Variants in PKN2 observed in about 807,000 individuals in gnomAD.
The protein encoded by PKN2 is protein kinase N2.
PKN2 carries 38 observed loss-of-function variants against 119.1 expected under a neutral mutation model. That is an observed-to-expected ratio of 0.32 (90% CI 0.25 to 0.42). PKN2 has a LOEUF of 0.42. Ranked by LOEUF, PKN2 falls within the 10% of genes least tolerant of loss-of-function variation. The pLI is 1.00. For missense variants in PKN2, 850 were observed against 1,165.1 expected (o/e 0.73, Z 3.94); for synonymous variants, 390 against 384.9 (o/e 1.01, Z -0.15).
intron 15 of PKN2, among the ~76,000 whole-genome samples, chr1:88,812,293 A>G (rs962667668): frequency 1.3e-5 from 2 of 152,196 alleles, no homozygotes; most frequent in Non-Finnish European, 2.9e-5. Context: ...TGGCATTGAA[A>G]TCATTTCAAG....
intron 2 of PKN2, among the ~76,000 whole-genome samples, chr1:88,752,548 T>A (rs1557588076): frequency 6.6e-6 from 1 of 152,048 alleles, no homozygotes; most frequent in Non-Finnish European, 1.5e-5. Flanking sequence ...TTTTAAAAAA[T>A]TTGCCAGTTT....
At chr1:88,743,893 TCAGATAA>T (rs1668666625) in intron 2 of PKN2, among the ~76,000 whole-genome samples, 1 of 152,136 alleles carries the variant, frequency 6.6e-6, no homozygotes, top group African/African-American at 2.4e-5. Flanking sequence ...TACTGACATT[TCAGATAA>T]TTGGAGGGCA....
intron 6 of PKN2, among the ~76,000 whole-genome samples, chr1:88,772,192 C>G (rs1225116254): frequency 6.6e-6 from 1 of 152,140 alleles, no homozygotes; most frequent in African/African-American, 2.4e-5. Context: ...AATTGTCTGT[C>G]TCTACAGATT....
rs1671605063 is a variant in PKN2 at position 88,807,681 on chromosome 1, C to T, written c.2011-3C>T. Reference sequence around the variant, plus strand: ...GAAAATAATTATTTTAATTTTATTTCAGGTGCTTTTAGCTGAATATAAAAA... The same window carrying T: ...GAAAATAATTATTTTAATTTTATTTTAGGTGCTTTTAGCTGAATATAAAAA... On this transcript the variant is annotated splice_region_variant and splice_polypyrimidine_tract_variant and intron_variant, in intron 14 of 21. Transcript: ENST00000370521. 1.3e-6 allele frequency: 2 copies of T among 1,578,694 alleles called. No individual in the cohort carries two copies. The highest frequency in any genetic ancestry group is 8.6e-7 in the Non-Finnish European group (1 of 1,157,278).
At chr1:88,725,681 G>C (rs1300724376) in intron 1 of PKN2, among the ~76,000 whole-genome samples, 1 of 152,042 alleles carries the variant, frequency 6.6e-6, no homozygotes, top group South Asian at 2.1e-4. Context: ...TTCTATTATG[G>C]TATGCACTTA....
At position 88,757,528 on chromosome 1, in the gene PKN2, T is replaced by G. The variant is rs142695777; in HGVS notation, c.350-2694T>G. On this transcript the variant is annotated intron_variant, in intron 2 of 21. Coordinates refer to ENST00000370521, the MANE Select transcript of PKN2 (RefSeq NM_006256.4). ...ATATGAAATACATTCATTAAAATGG[T>G]TAGTCACACCATCTTATATTGTAGA... Among the ~76,000 whole-genome samples, 1,288 of 152,184 alleles carry G rather than the reference T, an allele frequency of 8.5e-3. 20 individuals are homozygous for G. Among genetic ancestry groups the G allele is most frequent in the African/African-American group, 0.03 (1,232 of 41,540 alleles).
chr1:88,748,996 T>C (rs180700770), intron 2 of PKN2, among the ~76,000 whole-genome samples: 226 of 152,290 alleles, frequency 1.5e-3, no homozygotes, highest in Middle Eastern at 3.4e-3. Flanking sequence ...CCACTATCAG[T>C]GAATGAGAAT....
At chr1:88,785,586 A>G (rs1670539302) in intron 7 of PKN2, among the ~76,000 whole-genome samples, 2 of 152,144 alleles carry the variant, frequency 1.3e-5, no homozygotes, top group Non-Finnish European at 2.9e-5. Flanking sequence ...GAGGTTTGGA[A>G]AGCACTGGGG....
chr1:88,726,624 T>C (rs1002733872), intron 1 of PKN2, among the ~76,000 whole-genome samples: 1 of 152,104 alleles, frequency 6.6e-6, no homozygotes, highest in East Asian at 1.9e-4. Context: ...GAGAAATTAG[T>C]TTTTGTGTGT....
Position 88,829,157 on chromosome 1 carries a change from T to C in PKN2, c.2562+534T>C, listed in dbSNP as rs932670525. On this transcript the variant is annotated intron_variant, in intron 19 of 21. Transcript: ENST00000370521. Reference sequence around the variant, plus strand: ...GCTGTGAAGGCCCTGATGCCATGTATGTCAAATTGATATCATCCGATGGCC... The same window carrying C: ...GCTGTGAAGGCCCTGATGCCATGTACGTCAAATTGATATCATCCGATGGCC... The C allele has an allele frequency of 5.1e-5, 38 of 740,154 alleles. No individual in the cohort carries two copies. The African/African-American group carries it at 5.9e-4, about 11-fold the overall frequency. The allele number at this position is 740,154 out of a possible 1,614,324, so 45.8% of individuals were successfully genotyped here. A position where few individuals can be genotyped will look rare whatever the true frequency, so the allele number is the denominator to read the frequency against.
Position 88,787,760 on chromosome 1 carries a change from T to C in PKN2, c.1281+1547T>C, listed in dbSNP as rs1262604418. Reference sequence around the variant, plus strand: ...AGGCATTTTTCCCACTTTGGAATAATGCTCCTTTTAAAATTTGGAAGACAT... The same window carrying C: ...AGGCATTTTTCCCACTTTGGAATAACGCTCCTTTTAAAATTTGGAAGACAT... On this transcript the variant is annotated intron_variant, in intron 8 of 21. Coordinates refer to ENST00000370521, the MANE Select transcript of PKN2 (RefSeq NM_006256.4). Among the ~76,000 whole-genome samples the C allele has an allele frequency of 7.9e-5, 12 of 152,348 alleles. No homozygotes were observed. In the South Asian group the frequency reaches 1.2e-3, roughly 16 times the overall value.
chr1:88,730,402 T>C (rs1249847107), intron 1 of PKN2, among the ~76,000 whole-genome samples: 4 of 152,198 alleles, frequency 2.6e-5, no homozygotes, highest in East Asian at 3.9e-4. Context: ...CTCTCTCTCT[T>C]TCTGCTCTGC....
chr1:88,795,927 A>G (rs923701230), intron 8 of PKN2, among the ~76,000 whole-genome samples: 1 of 152,208 alleles, frequency 6.6e-6, no homozygotes, highest in Non-Finnish European at 1.5e-5. Flanking sequence ...CCATTAACAC[A>G]TATTTTACAG....
Position 88,684,389 on chromosome 1 carries a change from G to A in PKN2, c.-192G>A. 1.9e-6 allele frequency: 1 copy of A among 526,130 alleles called. No individual in the cohort carries two copies. The highest frequency in any genetic ancestry group is 3.3e-6 in the Non-Finnish European group (1 of 300,154). The allele number at this position is 526,130 out of a possible 1,614,324, so 32.6% of individuals were successfully genotyped here. On this transcript the variant is annotated 5_prime_UTR_variant, in exon 1 of 22. Transcript: ENST00000370521. ...GAGGAAGCCCGCTACGAGTGCCCTA[G>A]CTCCCCGCCGCTCTCGATGAACCGG...
intron 3 of PKN2, among the ~76,000 whole-genome samples, chr1:88,763,990 C>A (rs868634376): frequency 5.9e-5 from 9 of 152,282 alleles, no homozygotes; most frequent in Middle Eastern, 3.4e-3. Flanking sequence ...AATTATTACC[C>A]TTGTGCATGT....
In PKN2 at chr1:88,707,934, AGTT is replaced by A. The variant is rs1455042335; in HGVS notation, c.48+23310_48+23312del. Among the ~76,000 whole-genome samples, 8 of 152,176 alleles carry A rather than the reference AGTT, an allele frequency of 5.3e-5. No homozygotes were observed. In the East Asian group the frequency reaches 9.7e-4, roughly 18 times the overall value. ...AAATTAATATGGTTCTTGGGTCTAT[AGTT>A]GTTCTAGTATTTTTCTTTCCATGCA... On this transcript the variant is annotated intron_variant, in intron 1 of 21. Coordinates refer to ENST00000370521, the MANE Select transcript of PKN2 (RefSeq NM_006256.4).
intron 1 of PKN2, among the ~76,000 whole-genome samples, chr1:88,717,371 A>G (rs1324727407): frequency 1.3e-5 from 2 of 152,072 alleles, no homozygotes; most frequent in Non-Finnish European, 1.5e-5. Context: ...GTTCTCCTGG[A>G]TAATATCCTG....
At position 88,832,824 on chromosome 1, in the gene PKN2, T is replaced by C. The variant is rs76430567; in HGVS notation, c.2643T>C (p.Ser881=). The change falls in exon 20 of 22, where the codon TCT becomes TCC. Residue 881 remains serine, a synonymous_variant. Coordinates refer to ENST00000370521, the MANE Select transcript of PKN2 (RefSeq NM_006256.4). ...AAGTAAGGTATCCAAGGTTCTTATC[T>C]ACAGAAGCCATTTCTATAATGAGAA... The part of the protein sequence containing the change: ...NDEVRYPRFL[S]TEAISIMRRL... The C allele has an allele frequency of 1.1e-5, 17 of 1,585,246 alleles. No homozygotes were observed. The East Asian group carries it at 3.8e-4, about 36-fold the overall frequency.
intron 16 of PKN2, among the ~76,000 whole-genome samples, chr1:88,814,538 G>A (rs1180778054): frequency 6.6e-6 from 1 of 152,132 alleles, no homozygotes; most frequent in Non-Finnish European, 1.5e-5. Context: ...TCAGTGGTCA[G>A]CTAGTTTTCC....
Sources: allele counts gnomAD v4.1 joint callset (sites outside exome capture counted in the v4.1 genomes callset), GRCh38; gene constraint gnomAD v4.1.1; transcripts MANE v1.5; gene names NCBI Gene and HGNC (gene_info 2026-07-23, HGNC 2026-07-21).